The following ZC3H13 variants were observed in gnomAD, a reference collection of about 807,000 sequenced individuals.
ZC3H13 encodes the protein zinc finger CCCH-type containing 13.
ZC3H13 carries 64 observed loss-of-function variants against 204.1 expected under a neutral mutation model. The observed-to-expected ratio is 0.31, with a 90% confidence interval of 0.26 to 0.39. The LOEUF is 0.39. Among genes scored for constraint, ZC3H13 ranks in the 10% least tolerant of loss-of-function variants. The pLI, the probability that ZC3H13 is intolerant of heterozygous loss-of-function variation, is 1.00. For missense variants in ZC3H13, 1,833 were observed against 2,082.7 expected, an observed-to-expected ratio of 0.88 and a Z score of 2.33; for synonymous variants, 667 against 693.7, an observed-to-expected ratio of 0.96 and a Z score of 0.60.
At chr13:45,959,150 C>T (rs572861776) in intron 18 of ZC3H13, among the ~76,000 whole-genome samples, 2 of 150,970 alleles carry the variant, frequency 1.3e-5, no homozygotes, top group South Asian at 2.2e-4. Context: ...ATACTACTCT[C>T]ATAAATATCC....
rs3033069 is a variant in ZC3H13, at chr13:46,051,996, G to GAAAAAAAAAAAAAAA, written c.-10+407_-10+408insTTTTTTTTTTTTTTT. 9 of 120,058 alleles carry GAAAAAAAAAAAAAAA rather than the reference G, an allele frequency of 7.5e-5. 1 individual carries two copies. The highest frequency in any genetic ancestry group is 8.1e-5 in the Non-Finnish European group (5 of 61,500). 7.4% of individuals were successfully genotyped at this position (120,058 alleles called of 1,614,324 possible). ...ACCTAAATCGTTATCACTGCTGAGG[G>GAAAAAAAAAAAAAAA]AAAAAAAAAAAAACAAGACCAATCA... On this transcript the variant is annotated intron_variant, in intron 1 of 18. Coordinates refer to ENST00000679008, the MANE Select transcript of ZC3H13 (RefSeq NM_001330564.2).
intron 3 of ZC3H13, among the ~76,000 whole-genome samples, chr13:46,043,915 C>A (rs770155196): frequency 6.6e-6 from 1 of 151,608 alleles, no homozygotes; most frequent in African/African-American, 2.4e-5. Flanking sequence ...TTAAAAGTAT[C>A]GAAATAGTTT....
At chr13:45,990,821 G>A (rs1469141266) in intron 8 of ZC3H13, among the ~76,000 whole-genome samples, 2 of 151,944 alleles carry the variant, frequency 1.3e-5, no homozygotes, top group African/African-American at 2.4e-5. Flanking sequence ...GGGGATGGGC[G>A]GGGGGACAAG....
intron 5 of ZC3H13, among the ~76,000 whole-genome samples, chr13:46,019,600 A>T (rs2042103929): frequency 6.6e-6 from 1 of 152,200 alleles, no homozygotes; most frequent in South Asian, 2.1e-4. Context: ...ATATGACATT[A>T]CAGTGCCCAT....
At position 45,979,834 on chromosome 13, in the gene ZC3H13, G is replaced by T; in HGVS notation, c.1891C>A (p.Arg631Ser). Residue 631 changes from arginine to serine, a missense_variant, in exon 11 of 19, where the codon CGT becomes AGT. Transcript: ENST00000679008. ...AAACCTCTCTCTCTGTTGTCACGAC[G>T]GTCTCGCTCTCCATGTCTTCTCTCA... ...SFERRHGERDRRDNRERDQRP... is the reference protein window; with the variant it reads ...SFERRHGERDSRDNRERDQRP... The T allele has an allele frequency of 5.7e-6, 9 of 1,586,128 alleles. No individual in the cohort carries two copies. Among genetic ancestry groups the T allele is most frequent in the Non-Finnish European group, 7.7e-6 (9 of 1,168,816 alleles).
chr13:45,975,562 T>A lies in ZC3H13; in HGVS notation c.2189A>T (p.Asp730Val), dbSNP rs1205753773. The A allele has an allele frequency of 6.3e-7, 1 of 1,581,638 alleles. No individual in the cohort carries two copies. Among genetic ancestry groups the A allele is most frequent in the South Asian group, 1.1e-5 (1 of 88,210 alleles). Residue 730 changes from aspartate (D) to valine (V), a missense_variant, in exon 12 of 19, where the codon GAC becomes GTC. Physicochemically the swap from Asp to Val is radical, Grantham distance 152. Coordinates refer to ENST00000679008, the MANE Select transcript of ZC3H13 (RefSeq NM_001330564.2). ...TTCCCGCTCTCGATCGTGGTCTCGG[T>A]CTCTATCCCTTTCACGATCTCTCTC... is the stretch of plus-strand genomic sequence containing the variant. ...EKERDRERDRDRDHDRERERE... is the reference protein window; with the variant it reads ...EKERDRERDRVRDHDRERERE...
At chr13:45,986,340 G>A (rs949562550) in intron 9 of ZC3H13, among the ~76,000 whole-genome samples, 4 of 152,118 alleles carry the variant, frequency 2.6e-5, no homozygotes, top group Non-Finnish European at 4.4e-5. Flanking sequence ...TACCTACAGT[G>A]CCAGCTACTT....
At chr13:45,982,687 T>C (rs1376580597) in intron 10 of ZC3H13, among the ~76,000 whole-genome samples, 1 of 152,184 alleles carries the variant, frequency 6.6e-6, no homozygotes, top group Non-Finnish European at 1.5e-5. Context: ...TCAGCATCCC[T>C]AATCTGAAAA....
chr13:45,987,879 T>A (rs547756281), intron 9 of ZC3H13, among the ~76,000 whole-genome samples: 1 of 152,300 alleles, frequency 6.6e-6, no homozygotes, highest in South Asian at 2.1e-4. Context: ...AAGAAAGAGA[T>A]GAGAGCTATT....
Position 45,969,917 on chromosome 13 carries a change from A to G in ZC3H13, c.2627T>C (p.Leu876Pro), listed in dbSNP as rs1372669441. 1.2e-6 allele frequency: 2 copies of G among 1,613,464 alleles called. No individual in the cohort carries two copies. The highest frequency in any genetic ancestry group is 2.2e-5 in the East Asian group (1 of 44,890). ...QVVRPQESRS[L>P]SPSHLTEDRQ... ...GTCTTCTGTGAGGTGCGAGGGACTA[A>G]GAGAACGAGATTCTTGAGGTCGTAC... is the stretch of plus-strand genomic sequence containing the variant. Residue 876 changes from leucine (L) to proline (P), a missense_variant, in exon 14 of 19, where the codon CTT becomes CCT. Leu to Pro is a moderately conservative substitution (Grantham distance 98). Coordinates refer to ENST00000679008, the MANE Select transcript of ZC3H13 (RefSeq NM_001330564.2).
At chr13:46,002,014 G>A (rs1409011251) in intron 8 of ZC3H13, among the ~76,000 whole-genome samples, 3 of 150,690 alleles carry the variant, frequency 2.0e-5, no homozygotes, top group African/African-American at 7.3e-5. Flanking sequence ...CTGTTAAGGG[G>A]TTAATGTCCA....
At chr13:45,960,963 T>C (rs1019572379) in intron 17 of ZC3H13, among the ~76,000 whole-genome samples, 1 of 152,094 alleles carries the variant, frequency 6.6e-6, no homozygotes, top group Non-Finnish European at 1.5e-5. Context: ...ATGTGTAACA[T>C]AAGAAAGGTG....
intron 8 of ZC3H13, among the ~76,000 whole-genome samples, chr13:45,991,455 C>T (rs779043863): frequency 4.6e-5 from 7 of 152,162 alleles, no homozygotes; most frequent in East Asian, 1.9e-4. Flanking sequence ...CCTTCACCTA[C>T]GTCCATTCTG....
intron 5 of ZC3H13, among the ~76,000 whole-genome samples, chr13:46,014,087 T>A (rs2041752737): frequency 6.6e-6 from 1 of 152,204 alleles, no homozygotes; most frequent in Admixed American, 6.5e-5. Context: ...TACATCTATC[T>A]TGTAAAATTA....
chr13:46,003,724 C>T (rs2040919763), intron 7 of ZC3H13, among the ~76,000 whole-genome samples: 1 of 152,022 alleles, frequency 6.6e-6, no homozygotes. Flanking sequence ...TTTTTAACAT[C>T]TTGAATATTT....
intron 10 of ZC3H13, among the ~76,000 whole-genome samples, chr13:45,984,281 A>C (rs1374352699): frequency 1.3e-5 from 2 of 152,224 alleles, no homozygotes; most frequent in Non-Finnish European, 2.9e-5. Flanking sequence ...GGAAGAATAC[A>C]TACAAAGCTG....
At chr13:45,979,735 G>C in intron 11 of ZC3H13, 78 bp downstream of exon 11, 3 of 1,392,640 alleles carry the variant, frequency 2.2e-6, no homozygotes, top group Non-Finnish European at 2.9e-6. Flanking sequence ...ATATTAAAAA[G>C]TAAATTGGTA....
chr13:46,002,716 A>C (rs1207137128), intron 8 of ZC3H13, among the ~76,000 whole-genome samples: 1 of 152,206 alleles, frequency 6.6e-6, no homozygotes. Flanking sequence ...TATCTGAAGC[A>C]GTCAAATTCA....
rs1436598904 is a variant in ZC3H13 at position 45,956,566 on chromosome 13, A to G, written c.*561T>C. 1 of 152,192 alleles carries G rather than the reference A, an allele frequency of 6.6e-6. No individual in the cohort carries two copies. The highest frequency in any genetic ancestry group is 2.4e-5 in the African/African-American group (1 of 41,458). The allele number at this position is 152,192 out of a possible 1,614,324, so 9.4% of individuals were successfully genotyped here. On this transcript the variant is annotated 3_prime_UTR_variant, in exon 19 of 19. Transcript: ENST00000679008. ...GTAACAATGCACACATATTAATTAA[A>G]AAAAAGACCCATGAAATAATTTTTA...
Sources: gnomAD v4.1 joint callset for allele counts (sites outside exome capture counted in the v4.1 genomes callset) on GRCh38, gnomAD v4.1.1 for gene constraint, MANE v1.5 for transcripts, NCBI Gene and HGNC (gene_info 2026-07-23, HGNC 2026-07-21) for gene names.